Variants in P2RX5 observed in about 807,000 individuals in gnomAD.
P2RX5 encodes the protein P2X purinoceptor 5.
Under a neutral mutation model 54.1 loss-of-function variants are expected in P2RX5, and 46 were observed. The ratio of observed to expected loss-of-function variants is 0.85; its 90% confidence interval spans 0.67 to 1.09. P2RX5 has a LOEUF of 1.09. Ranked by LOEUF, P2RX5 falls within the 50% of genes least tolerant of loss-of-function variation. The pLI is 0.00. For synonymous variants in P2RX5, 226 were observed against 226.4 expected, an observed-to-expected ratio of 1.00 and a Z score of 0.02; for missense variants, 566 against 549.8, an observed-to-expected ratio of 1.03 and a Z score of -0.29.
chr17:3,685,287 C>T (rs562562071), intron 9 of P2RX5, among the ~76,000 whole-genome samples: 1 of 152,334 alleles, frequency 6.6e-6, no homozygotes, highest in South Asian at 2.1e-4. Flanking sequence ...CCAGCACATG[C>T]CTCCCTGGCT....
intron 1 of P2RX5, among the ~76,000 whole-genome samples, chr17:3,692,763 GC>G (rs1343252455): frequency 5.3e-5 from 8 of 152,156 alleles, no homozygotes; most frequent in Non-Finnish European, 5.9e-5. Context: ...GATCCCTCGA[GC>G]CTGGGAGGTC....
At chr17:3,709,790 T>C in the P2RX5 span, among the ~76,000 whole-genome samples, 3 of 152,084 alleles carry the variant, frequency 2.0e-5, no homozygotes, top group African/African-American at 7.2e-5. Flanking sequence ...GTGCCTGTAG[T>C]TCCAGCTACT....
the P2RX5 span, among the ~76,000 whole-genome samples, chr17:3,705,648 G>C: frequency 2.0e-5 from 3 of 152,160 alleles, no homozygotes; most frequent in Admixed American, 1.3e-4. Flanking sequence ...CACAGGACCT[G>C]CATGAAGTAG....
At chr17:3,695,819 C>T in intron 1 of P2RX5, 50 bp downstream of exon 1, 1 of 1,597,476 alleles carries the variant, frequency 6.3e-7, no homozygotes, top group Non-Finnish European at 8.6e-7. Context: ...CGGCGGCTGG[C>T]ACCCGCCCTG....
chr17:3,704,772 C>T, the P2RX5 span, among the ~76,000 whole-genome samples: 103 of 152,298 alleles, frequency 6.8e-4, 1 homozygote, highest in Admixed American at 3.7e-3. Flanking sequence ...TTTGGAAGGC[C>T]GAGGTGGACG....
the P2RX5 span, among the ~76,000 whole-genome samples, chr17:3,719,279 C>T: frequency 7.5e-6 from 1 of 132,506 alleles, no homozygotes; most frequent in African/African-American, 3.5e-5. Flanking sequence ...AAAAGAAATA[C>T]ACTACTTAAA....
rs1166088787 is a variant in P2RX5, at chr17:3,695,943, A to G, written c.63T>C (p.Tyr21=). Residue 21 remains tyrosine, a synonymous_variant, in exon 1 of 12, where the codon TAT becomes TAC. Coordinates refer to ENST00000225328, the MANE Select transcript of P2RX5 (RefSeq NM_002561.4). ...CCACCTTCTTGTTCTTGGCGATGAC[A>G]TACTTCTCGGTCTTGTAGTCGAACA... ...LSLFDYKTEK[Y]VIAKNKKVGL... 1 of 1,614,010 alleles carries G rather than the reference A, an allele frequency of 6.2e-7. No homozygotes were observed. The highest frequency in any genetic ancestry group is 8.5e-7 in the Non-Finnish European group (1 of 1,179,944).
At chr17:3,721,046 A>G in the P2RX5 span, among the ~76,000 whole-genome samples, 480 of 151,998 alleles carry the variant, frequency 3.2e-3, 6 homozygotes, top group African/African-American at 0.011. Flanking sequence ...CTCCCACCTC[A>G]GTCTCCTGAG....
rs1435021367 is a variant in P2RX5, at chr17:3,688,774, G to C, written c.754-15C>G. 6.2e-7 allele frequency: 1 copy of C among 1,613,830 alleles called. No homozygotes were observed. Among genetic ancestry groups the C allele is most frequent in the East Asian group, 2.2e-5 (1 of 44,892 alleles). On this transcript the variant is annotated splice_polypyrimidine_tract_variant and intron_variant, in intron 7 of 11. Transcript: ENST00000225328. ...ATCACGCCACCCTTGATAAAAGAGA[G>C]ATGAGGGTCAGCACACACAGCTTTC...
Position 3,689,641 on chromosome 17 carries a change from G to A in P2RX5, c.615-11C>T. The A allele has an allele frequency of 1.9e-6, 3 of 1,614,068 alleles. No homozygotes were observed. The highest frequency in any genetic ancestry group is 2.2e-5 in the South Asian group (2 of 91,088). ...TCCATCACATTGCTTCTGGGTGGAG[G>A]CCATGGGCAGCCGAGAAATGAAGTA... On this transcript the variant is annotated splice_polypyrimidine_tract_variant and intron_variant, in intron 6 of 11. Transcript: ENST00000225328.
chr17:3,712,149 G>A, the P2RX5 span, among the ~76,000 whole-genome samples: 1 of 152,190 alleles, frequency 6.6e-6, no homozygotes, highest in African/African-American at 2.4e-5. Flanking sequence ...AAACTTACCT[G>A]TGTGTTTTCC....
At chr17:3,691,954 C>T in intron 1 of P2RX5, 160 bp from the exon 2 acceptor site, 1 of 717,932 alleles carries the variant, frequency 1.4e-6, no homozygotes, top group East Asian at 2.5e-5. Flanking sequence ...GGGGCCACAG[C>T]TCCCACTGCT....
the P2RX5 span, chr17:3,714,874 T>C: frequency 6.2e-7 from 1 of 1,610,704 alleles, no homozygotes; most frequent in South Asian, 1.1e-5. Flanking sequence ...GCAGATTCTC[T>C]GATTTCAGCT....
chr17:3,679,011 C>A (rs759775113), intron 11 of P2RX5, among the ~76,000 whole-genome samples: 8 of 152,190 alleles, frequency 5.3e-5, no homozygotes, highest in Non-Finnish European at 1.0e-4. Context: ...ACGGCCAGCA[C>A]CCTCCTGAGG....
At chr17:3,690,365 G>C (rs1452344687) in intron 5 of P2RX5, 62 bp downstream of exon 5, 1 of 1,361,598 alleles carries the variant, frequency 7.3e-7, no homozygotes, top group Non-Finnish European at 1.0e-6. Flanking sequence ...TCCACCCTCA[G>C]GCTGGGACCC....
the P2RX5 span, among the ~76,000 whole-genome samples, chr17:3,704,288 C>A: frequency 1.3e-5 from 2 of 152,084 alleles, no homozygotes; most frequent in African/African-American, 4.8e-5. Context: ...GGTCATTCCG[C>A]GATAAGGGGG....
intron 3 of P2RX5, 62 bp from the exon 4 acceptor site, chr17:3,690,742 T>C: frequency 6.5e-7 from 1 of 1,529,586 alleles, no homozygotes; most frequent in Admixed American, 1.7e-5. Flanking sequence ...CGGGTCCCAC[T>C]CCAGGAGATA....
the P2RX5 span, among the ~76,000 whole-genome samples, chr17:3,713,029 AGTC>A: frequency 1.1e-5 from 1 of 87,870 alleles, no homozygotes; most frequent in South Asian, 4.3e-4. Flanking sequence ...AACTCTAAAC[AGTC>A]GGGGGAAAAA....
At chr17:3,700,286 G>A (rs1277807280), upstream of P2RX5, among the ~76,000 whole-genome samples, 3 of 152,084 alleles carry the variant, frequency 2.0e-5, no homozygotes, top group Non-Finnish European at 4.4e-5. Flanking sequence ...TGTAATCCCA[G>A]CACTTTAGGA....
Sources: allele counts gnomAD v4.1 joint callset (sites outside exome capture counted in the v4.1 genomes callset), GRCh38; gene constraint gnomAD v4.1.1; transcripts MANE v1.5; gene names NCBI Gene and HGNC (gene_info 2026-07-23, HGNC 2026-07-21).